The following ASXL3 variants were observed in gnomAD, a reference collection of about 807,000 sequenced individuals.
ASXL3 encodes the protein putative Polycomb group protein ASXL3.
Under a neutral mutation model 170.6 loss-of-function variants are expected in ASXL3, and 34 were observed. The observed-to-expected ratio is 0.20, with a 90% CI of 0.15 to 0.27. The LOEUF (loss-of-function observed/expected upper bound fraction) is 0.27, where lower values mean the gene tolerates loss of function less well. Ranked by LOEUF, ASXL3 falls within the 10% of genes least tolerant of loss-of-function variation. The pLI, the probability that ASXL3 is intolerant of heterozygous loss-of-function variation, is 1.00. For synonymous variants in ASXL3, 1,002 were observed against 989.1 expected (o/e 1.01, Z -0.24); for missense variants, 2,592 against 2,695.3 (o/e 0.96, Z 0.85).
intron 8 of ASXL3, among the ~76,000 whole-genome samples, chr18:33,715,037 G>A (rs567359417): frequency 3.3e-5 from 5 of 152,192 alleles, no homozygotes; most frequent in South Asian, 2.1e-4. Context: ...AGAAGGCCCT[G>A]CTCCTCCCTC....
intron 8 of ASXL3, among the ~76,000 whole-genome samples, chr18:33,697,333 A>G (rs968544477): frequency 2.6e-5 from 4 of 152,134 alleles, no homozygotes; most frequent in Non-Finnish European, 5.9e-5. Flanking sequence ...GATTGTCATG[A>G]GTCCTGCCTT....
At chr18:33,582,236 C>CT (rs1365374742) in intron 1 of ASXL3, among the ~76,000 whole-genome samples, 2 of 152,132 alleles carry the variant, frequency 1.3e-5, no homozygotes, top group East Asian at 3.8e-4. Flanking sequence ...ATCCTTCTGA[C>CT]TTTTATCTCA....
At chr18:33,592,106 G>T (rs2065083474) in intron 1 of ASXL3, among the ~76,000 whole-genome samples, 1 of 151,866 alleles carries the variant, frequency 6.6e-6, no homozygotes, top group East Asian at 1.9e-4. Context: ...TATCTTCTTG[G>T]TGCTAGGTGC....
chr18:33,728,083 T>C (rs192591485), intron 8 of ASXL3, among the ~76,000 whole-genome samples: 3 of 152,290 alleles, frequency 2.0e-5, no homozygotes, highest in East Asian at 1.9e-4. Flanking sequence ...AATTACTAAC[T>C]AATCATGCCC....
chr18:33,588,595 G>A (rs1487637146), intron 1 of ASXL3, among the ~76,000 whole-genome samples: 1 of 152,028 alleles, frequency 6.6e-6, no homozygotes, highest in Non-Finnish European at 1.5e-5. Context: ...AGTGTGTCAT[G>A]AATAGTCTCG....
intron 7 of ASXL3, among the ~76,000 whole-genome samples, chr18:33,681,042 T>A (rs574463064): frequency 6.6e-6 from 1 of 152,134 alleles, no homozygotes; most frequent in South Asian, 2.1e-4. Context: ...AATTCTTTTT[T>A]TTTTCTTCCA....
At chr18:33,741,495 A>G (rs914091443) in intron 11 of ASXL3, among the ~76,000 whole-genome samples, 5 of 152,184 alleles carry the variant, frequency 3.3e-5, no homozygotes. Context: ...GCTCTTGCTT[A>G]AGGATATTTA....
intron 8 of ASXL3, among the ~76,000 whole-genome samples, chr18:33,698,497 G>T (rs191211484): frequency 1.3e-5 from 2 of 152,228 alleles, no homozygotes; most frequent in East Asian, 3.9e-4. Context: ...GGCTATACAG[G>T]TCTGGAGGTT....
At chr18:33,654,426 A>T (rs543304584) in intron 4 of ASXL3, among the ~76,000 whole-genome samples, 46 of 152,196 alleles carry the variant, frequency 3.0e-4, no homozygotes, top group Non-Finnish European at 5.3e-4. Context: ...TTCTTTAGTT[A>T]TATTGTATAA....
chr18:33,631,220 C>A (rs1265570332), intron 2 of ASXL3, among the ~76,000 whole-genome samples: 1 of 152,042 alleles, frequency 6.6e-6, no homozygotes, highest in African/African-American at 2.4e-5. Context: ...CAATGACCCT[C>A]TAGCATCATG....
chr18:33,685,117 C>G lies in ASXL3; in HGVS notation c.879+1549C>G, dbSNP rs559074861. On this transcript the variant is annotated intron_variant, in intron 8 of 11. Coordinates refer to ENST00000269197, the MANE Select transcript of ASXL3 (RefSeq NM_030632.3). ...TGAATGGAGCTGTGATGTAATAAGA[C>G]CATTACTTTTTAAGGAAATTATTCT... Among the ~76,000 whole-genome samples, 3 of 152,114 alleles carry G rather than the reference C, an allele frequency of 2.0e-5. No homozygotes were observed. The South Asian group carries it at 6.2e-4, about 32-fold the overall frequency.
At chr18:33,603,819 T>C (rs1225234382) in intron 1 of ASXL3, among the ~76,000 whole-genome samples, 3 of 152,070 alleles carry the variant, frequency 2.0e-5, no homozygotes, top group Non-Finnish European at 2.9e-5. Context: ...ATCACAAATA[T>C]AGTTTTAACA....
intron 8 of ASXL3, among the ~76,000 whole-genome samples, chr18:33,731,541 A>G (rs1477490906): frequency 6.6e-6 from 1 of 152,142 alleles, no homozygotes; most frequent in Non-Finnish European, 1.5e-5. Context: ...TCATGTCCAC[A>G]TACATATATT....
At chr18:33,686,469 A>G (rs1020788230) in intron 8 of ASXL3, among the ~76,000 whole-genome samples, 32 of 152,210 alleles carry the variant, frequency 2.1e-4, no homozygotes, top group Admixed American at 6.5e-5. Context: ...TTTAATCTGA[A>G]TGTAGTATTG....
intron 2 of ASXL3, among the ~76,000 whole-genome samples, chr18:33,629,462 C>T (rs1270579107): frequency 6.6e-6 from 1 of 152,014 alleles, no homozygotes; most frequent in Non-Finnish European, 1.5e-5. Flanking sequence ...AATATTTATC[C>T]TTTTGTTACG....
In ASXL3 at chr18:33,739,776, A is replaced by G. The variant is rs186045741; in HGVS notation, c.2372A>G (p.Lys791Arg). The G allele has an allele frequency of 3.1e-6, 5 of 1,613,842 alleles. 1 individual carries two copies. Among genetic ancestry groups the G allele is most frequent in the African/African-American group, 1.3e-5 (1 of 75,046 alleles). Residue 791 changes from lysine to arginine, a missense_variant, in exon 11 of 12, where the codon AAA (lysine) becomes AGA (arginine). Around this residue, in one of 4 missense-constraint regions of ASXL3, gnomAD observed 2,246 missense variants for 2,219.6 expected, o/e 1.01. Transcript: ENST00000269197. ...AAAGATGAGTCTTCCGCCACTGCCA[A>G]ACCTCTGGGAGAGAACCTTACCTCC... ...PQKDESSATA[K>R]PLGENLTSQQ...
chr18:33,618,317 G>A (rs745684017), intron 2 of ASXL3, among the ~76,000 whole-genome samples: 10 of 152,058 alleles, frequency 6.6e-5, no homozygotes, highest in Non-Finnish European at 1.2e-4. Context: ...TAAGGCCTGT[G>A]CTGGTGCAGT....
At chr18:33,622,875 G>C (rs1040912574) in intron 2 of ASXL3, among the ~76,000 whole-genome samples, 2 of 152,174 alleles carry the variant, frequency 1.3e-5, no homozygotes, top group Non-Finnish European at 2.9e-5. Flanking sequence ...GATAAAAAGT[G>C]GAGGATCTTA....
In ASXL3 at chr18:33,746,996, A is replaced by G. The variant is rs2067806403; in HGVS notation, c.*401A>G. The G allele has an allele frequency of 6.2e-6, 1 of 160,412 alleles. No individual in the cohort carries two copies. The highest frequency in any genetic ancestry group is 1.8e-4 in the East Asian group (1 of 5,498). The allele number at this position is 160,412 out of a possible 1,614,324, so 9.9% of individuals were successfully genotyped here. On this transcript the variant is annotated 3_prime_UTR_variant, in exon 12 of 12. Coordinates refer to ENST00000269197, the MANE Select transcript of ASXL3 (RefSeq NM_030632.3). ...TTAAAGTGGTTATGCATTTTTCTAT[A>G]GATGAGCCATTACAGCAAGGAATTT...
Sources: gnomAD v4.1 joint callset for allele counts (sites outside exome capture counted in the v4.1 genomes callset) on GRCh38, gnomAD v4.1.1 for gene constraint, gnomAD v4.1.1 regional missense constraint, MANE v1.5 for transcripts, NCBI Gene and HGNC (gene_info 2026-07-23, HGNC 2026-07-21) for gene names.